The following DDX25 variants were observed in gnomAD, a reference collection of about 807,000 sequenced individuals.
DDX25 encodes ATP-dependent RNA helicase DDX25.
DDX25 carries 70 observed loss-of-function variants against 64.6 expected under a neutral mutation model. The observed-to-expected ratio is 1.08, with a 90% CI of 0.89 to 1.32. The LOEUF (loss-of-function observed/expected upper bound fraction) is 1.32. Among genes scored for constraint, DDX25 ranks in the 40% most tolerant of loss-of-function variants. The pLI, the probability that DDX25 is intolerant of heterozygous loss-of-function variation, is 0.00. For missense variants in DDX25, 587 were observed against 604.4 expected (o/e 0.97, Z 0.30); for synonymous variants, 211 against 213.3 (o/e 0.99, Z 0.09).
chr11:125,904,592 C>CGAGCCGGGGGGCCA lies in DDX25; in HGVS notation c.63+13_63+26dup. 1.4e-6 allele frequency: 2 copies of CGAGCCGGGGGGCCA among 1,477,082 alleles called. No homozygotes were observed. Among genetic ancestry groups the CGAGCCGGGGGGCCA allele is most frequent in the Non-Finnish European group, 1.8e-6 (2 of 1,114,184 alleles). 91.5% of individuals were successfully genotyped at this position (1,477,082 alleles called of 1,614,324 possible). A position where few individuals can be genotyped will look rare whatever the true frequency, so the allele number is the denominator to read the frequency against. On this transcript the variant is annotated intron_variant, in intron 1 of 11. Coordinates refer to ENST00000263576, the MANE Select transcript of DDX25 (RefSeq NM_013264.5). ...GGCTGAACAGCCACGTAACCGCCAC[C>CGAGCCGGGGGGCCA]GAGCCGGGGGGCCACAGCCGCGGGG... is the stretch of plus-strand genomic sequence containing the variant.
intron 8 of DDX25, among the ~76,000 whole-genome samples, chr11:125,916,243 A>G (rs1437278680): frequency 6.6e-6 from 1 of 152,206 alleles, no homozygotes; most frequent in East Asian, 1.9e-4. Flanking sequence ...TTATTGATAT[A>G]TGAAATATAT....
rs1591513724 is a variant in DDX25 at position 125,905,347 on chromosome 11, C to G, written c.130+69C>G. The G allele has an allele frequency of 2.0e-6, 3 of 1,512,358 alleles. No homozygotes were observed. The East Asian group carries it at 7.4e-5, about 37-fold the overall frequency. The allele number at this position is 1,512,358 out of a possible 1,614,324, so 93.7% of individuals were successfully genotyped here. A position where few individuals can be genotyped will look rare whatever the true frequency, so the allele number is the denominator to read the frequency against. On this transcript the variant is annotated intron_variant, in intron 2 of 11. Transcript: ENST00000263576. ...AAGTATTGTTTTGCTTTCATCACGT[C>G]CCTGCCAAGTGAAACACCGCGGATT...
chr11:125,910,354 T>C lies in DDX25; in HGVS notation c.508-10T>C. 6.2e-7 allele frequency: 1 copy of C among 1,612,778 alleles called. No individual in the cohort carries two copies. Among genetic ancestry groups the C allele is most frequent in the Non-Finnish European group, 8.5e-7 (1 of 1,178,890 alleles). On this transcript the variant is annotated splice_polypyrimidine_tract_variant and intron_variant, in intron 6 of 11. Transcript: ENST00000263576. The stretch of plus-strand genomic sequence containing the variant: ...CCTTTCTCCTCCCCTCTTCTCTCTC[T>C]ATCCCACAGTGCCTCTGCCTAGCTC...
At position 125,916,704 on chromosome 11, in the gene DDX25, T is replaced by C. The variant is rs574239608; in HGVS notation, c.801-310T>C. On this transcript the variant is annotated intron_variant, in intron 8 of 11. Transcript: ENST00000263576. ...GATTATAACTATAAAGAGCATCTAG[T>C]CTACCCTTCTTGTGGCTGCGTGAGT... is the stretch of plus-strand genomic sequence containing the variant. Among the ~76,000 whole-genome samples the C allele has an allele frequency of 1.7e-4, 26 of 152,370 alleles. No homozygotes were observed. The South Asian group carries it at 5.4e-3, about 32-fold the overall frequency.
Position 125,917,121 on chromosome 11 carries a change from G to A in DDX25, c.908G>A (p.Arg303His), listed in dbSNP as rs770456489. ...CCTGACCCTAATGTTATCAAGTTAC[G>A]CAAAGAGGAGCTCACACTGAACAAC... ...IIPDPNVIKL[R>H]KEELTLNNIR... is the part of the protein sequence containing the mutation. The change falls in exon 9 of 12, where the codon CGC becomes CAC. Residue 303 changes from arginine to histidine, a missense_variant. By Grantham distance (29) the Arg-to-His change is conservative. Transcript: ENST00000263576. 13 of 1,610,070 alleles carry A rather than the reference G, an allele frequency of 8.1e-6. No homozygotes were observed. The highest frequency in any genetic ancestry group is 3.3e-5 in the South Asian group (3 of 89,738).
Position 125,922,730 on chromosome 11 carries a change from G to A in DDX25, c.1391-90G>A, listed in dbSNP as rs954139768. On this transcript the variant is annotated intron_variant, in intron 11 of 11. Coordinates refer to ENST00000263576, the MANE Select transcript of DDX25 (RefSeq NM_013264.5). ...GTTCCTATACCAAGGCTTTTTATACGAGGTATCACTGTCTTCAGAAATATG... is the reference window on the plus strand; with the variant it reads ...GTTCCTATACCAAGGCTTTTTATACAAGGTATCACTGTCTTCAGAAATATG... 19 of 1,201,274 alleles carry A rather than the reference G, an allele frequency of 1.6e-5. No homozygotes were observed. In the Admixed American group the frequency reaches 2.9e-4, roughly 18 times the overall value. The allele number at this position is 1,201,274 out of a possible 1,614,324, so 74.4% of individuals were successfully genotyped here.
intron 10 of DDX25, among the ~76,000 whole-genome samples, chr11:125,919,748 C>G (rs988882206): frequency 8.5e-5 from 13 of 152,116 alleles, no homozygotes; most frequent in African/African-American, 2.4e-4. Context: ...GATGATGTCT[C>G]TATCCCTTAA....
chr11:125,910,969 G>C (rs1944959667), intron 7 of DDX25, among the ~76,000 whole-genome samples: 1 of 141,052 alleles, frequency 7.1e-6, no homozygotes, highest in Non-Finnish European at 1.5e-5. Context: ...ATTTATATTT[G>C]TTTTCACTGA....
At chr11:125,913,362 T>A (rs1217197269) in intron 8 of DDX25, among the ~76,000 whole-genome samples, 2 of 152,014 alleles carry the variant, frequency 1.3e-5, no homozygotes, top group Non-Finnish European at 2.9e-5. Flanking sequence ...TTCTAATGCC[T>A]TCCTGAAAAA....
At chr11:125,906,041 T>G in intron 3 of DDX25, 33 bp from the exon 4 acceptor site, 1 of 1,524,534 alleles carries the variant, frequency 6.6e-7, no homozygotes, top group Non-Finnish European at 8.8e-7. Context: ...TTCAGGAAGC[T>G]TGATGTCCTC....
In DDX25 at chr11:125,928,771, G is replaced by A. The variant is rs1945188386; in HGVS notation, c.*5890G>A. The stretch of plus-strand genomic sequence containing the variant: ...GGGATGTTAATGGTTTCCTTGTCAA[G>A]TTGTGTGAAATATATGTGTGAATTT... On this transcript the variant is annotated 3_prime_UTR_variant, in exon 12 of 12. Transcript: ENST00000263576. 1.3e-5 allele frequency: 2 copies of A among 152,160 alleles called. No individual in the cohort carries two copies. The highest frequency in any genetic ancestry group is 4.8e-5 in the African/African-American group (2 of 41,414). 9.4% of individuals were successfully genotyped at this position (152,160 alleles called of 1,614,324 possible). A position where few individuals can be genotyped will look rare whatever the true frequency, so the allele number is the denominator to read the frequency against.
chr11:125,918,054 T>C (rs1412589042), intron 9 of DDX25, among the ~76,000 whole-genome samples: 1 of 151,874 alleles, frequency 6.6e-6, no homozygotes, highest in Admixed American at 6.6e-5. Context: ...AATTTTTGTA[T>C]TTTTTTAGTA....
chr11:125,921,513 T>A lies in DDX25; in HGVS notation c.1390+134T>A. The A allele has an allele frequency of 1.0e-6, 1 of 959,116 alleles. No homozygotes were observed. Among genetic ancestry groups the A allele is most frequent in the Non-Finnish European group, 1.5e-6 (1 of 664,054 alleles). The allele number at this position is 959,116 out of a possible 1,614,324, so 59.4% of individuals were successfully genotyped here. A position where few individuals can be genotyped will look rare whatever the true frequency, so the allele number is the denominator to read the frequency against. ...ATGCATGAGCTGGAAGGCTTCTAAT[T>A]CACAGGACCAGGGTTCTAATATGAG... On this transcript the variant is annotated intron_variant, in intron 11 of 11. Coordinates refer to ENST00000263576, the MANE Select transcript of DDX25 (RefSeq NM_013264.5). The surrounding 1 kb of genome is among the most constrained non-coding windows in gnomAD (Gnocchi z 4.1).
At chr11:125,917,309 G>A (rs1945052674) in intron 9 of DDX25, 58 bp downstream of exon 9, 3 of 1,502,868 alleles carry the variant, frequency 2.0e-6, no homozygotes, top group South Asian at 2.5e-5. Flanking sequence ...CCGAGGTGGG[G>A]GACGACAATA....
chr11:125,915,997 C>T (rs1945031728), intron 8 of DDX25, among the ~76,000 whole-genome samples: 2 of 152,160 alleles, frequency 1.3e-5, no homozygotes, highest in Admixed American at 1.3e-4. Context: ...ATTTGGGCAG[C>T]TAAGAAGATA....
Position 125,928,441 on chromosome 11 carries a change from C to T in DDX25, c.*5560C>T, listed in dbSNP as rs1945186223. ...CATGCTGCAGTAAATATCTTCTCGCCCAATATTCCGAATTATTTCTTAAGA... is the reference window on the plus strand; with the variant it reads ...CATGCTGCAGTAAATATCTTCTCGCTCAATATTCCGAATTATTTCTTAAGA... On this transcript the variant is annotated 3_prime_UTR_variant, in exon 12 of 12. Transcript: ENST00000263576. 6.6e-6 allele frequency: 1 copy of T among 152,072 alleles called. No individual in the cohort carries two copies. The highest frequency in any genetic ancestry group is 1.5e-5 in the Non-Finnish European group (1 of 68,020). The allele number at this position is 152,072 out of a possible 1,614,324, so 9.4% of individuals were successfully genotyped here. A position where few individuals can be genotyped will look rare whatever the true frequency, so the allele number is the denominator to read the frequency against.
intron 8 of DDX25, among the ~76,000 whole-genome samples, chr11:125,916,809 A>C (rs1437218920): frequency 6.6e-6 from 1 of 152,156 alleles, no homozygotes; most frequent in Non-Finnish European, 1.5e-5. Context: ...CCTATGCTTC[A>C]CATTCTGTTT....
In DDX25 at chr11:125,921,761, T is replaced by C; in HGVS notation, c.1390+382T>C. The stretch of plus-strand genomic sequence containing the variant: ...AAAATTAGCTGGGCGTGGTGGCACA[T>C]GCCTGTAGTCTCAGCTGCTGGAGAG... On this transcript the variant is annotated intron_variant, in intron 11 of 11. Transcript: ENST00000263576. The surrounding 1 kb of genome is among the most constrained non-coding windows in gnomAD (Gnocchi z 4.1). The C allele has an allele frequency of 6.1e-6, 1 of 164,874 alleles. No individual in the cohort carries two copies. The highest frequency in any genetic ancestry group is 1.6e-4 in the East Asian group (1 of 6,104). The allele number at this position is 164,874 out of a possible 1,614,324, so 10.2% of individuals were successfully genotyped here. A position where few individuals can be genotyped will look rare whatever the true frequency, so the allele number is the denominator to read the frequency against.
At chr11:125,918,195 T>G (rs543116649) in intron 9 of DDX25, among the ~76,000 whole-genome samples, 2 of 152,312 alleles carry the variant, frequency 1.3e-5, no homozygotes, top group African/African-American at 2.4e-5. Context: ...TTTAATTTTT[T>G]AAATGAAATT....
Sources: allele counts gnomAD v4.1 joint callset (sites outside exome capture counted in the v4.1 genomes callset), GRCh38; gene constraint gnomAD v4.1.1; non-coding constraint Gnocchi (gnomAD v3.1); transcripts MANE v1.5; gene names NCBI Gene and HGNC (gene_info 2026-07-23, HGNC 2026-07-21).